ATG7: variants seen among roughly 807,000 people sequenced by gnomAD.
The protein encoded by ATG7 is autophagy related 7.
A neutral mutation model predicts 82.4 loss-of-function variants in ATG7; 70 were observed. The observed-to-expected ratio is 0.85, with a 90% CI of 0.70 to 1.04. ATG7 has a LOEUF of 1.04. Among genes scored for constraint, ATG7 ranks in the 50% least tolerant of loss-of-function variants. The pLI is 0.00. For synonymous variants in ATG7, 287 were observed against 313.0 expected, an observed-to-expected ratio of 0.92 and a Z score of 0.88; for missense variants, 792 against 864.3, an observed-to-expected ratio of 0.92 and a Z score of 1.05.
chr3:11,434,559 A>G (rs1345503778), intron 20 of ATG7, among the ~76,000 whole-genome samples: 1 of 152,208 alleles, frequency 6.6e-6, no homozygotes, highest in Non-Finnish European at 1.5e-5. Flanking sequence ...TACTTCTTAG[A>G]TTGGAAACTA....
In ATG7 at chr3:11,434,239, T is replaced by C. The variant is rs192706381; in HGVS notation, c.2079+7313T>C. On this transcript the variant is annotated intron_variant, in intron 20 of 20. Coordinates refer to ENST00000693202, the MANE Select transcript of ATG7 (RefSeq NM_001349232.2). ...GCATTTAACAACAGTCAGATATTTATGTACAGCTTCATCAAGAGCCTCTGA... is the reference window on the plus strand; with the variant it reads ...GCATTTAACAACAGTCAGATATTTACGTACAGCTTCATCAAGAGCCTCTGA... 3.9e-5 allele frequency among the ~76,000 whole-genome samples: 6 copies of C among 152,338 alleles called. No homozygotes were observed. The East Asian group carries it at 9.6e-4, about 24-fold the overall frequency.
Position 11,358,407 on chromosome 3 carries a change from T to C in ATG7, c.1285-11T>C. Reference sequence around the variant, plus strand: ...TGCTCCAGACATAACTACGTCCTGGTGTTTCCCTAGAATGCCAGAGGATTC... The same window carrying C: ...TGCTCCAGACATAACTACGTCCTGGCGTTTCCCTAGAATGCCAGAGGATTC... On this transcript the variant is annotated splice_polypyrimidine_tract_variant and intron_variant, in intron 14 of 20. Transcript: ENST00000693202. 4 of 1,609,080 alleles carry C rather than the reference T, an allele frequency of 2.5e-6. No individual in the cohort carries two copies. The highest frequency in any genetic ancestry group is 3.4e-6 in the Non-Finnish European group (4 of 1,177,276).
intron 20 of ATG7, among the ~76,000 whole-genome samples, chr3:11,480,364 C>G (rs1364089142): frequency 9.2e-5 from 14 of 152,102 alleles, no homozygotes; most frequent in Admixed American, 9.2e-4. Context: ...CAGCAAGACC[C>G]TGTCTCTACA....
chr3:11,471,606 G>T (rs2087526485), intron 20 of ATG7, among the ~76,000 whole-genome samples: 1 of 150,180 alleles, frequency 6.7e-6, no homozygotes, highest in Non-Finnish European at 1.5e-5. Context: ...ACTGTGTGTT[G>T]TCTCATTTAT....
chr3:11,275,319 C>T (rs1313580288), intron 1 of ATG7, among the ~76,000 whole-genome samples: 2 of 151,664 alleles, frequency 1.3e-5, no homozygotes, highest in South Asian at 2.1e-4. Context: ...ATGGAAATGA[C>T]GTTCGCTAAT....
intron 20 of ATG7, among the ~76,000 whole-genome samples, chr3:11,526,730 C>T (rs1008782550): frequency 8.5e-5 from 13 of 152,048 alleles, no homozygotes; most frequent in African/African-American, 3.1e-4. Context: ...ATTTCTTTTT[C>T]TTGTTTTACT....
chr3:11,420,152 G>A (rs2081800421), intron 19 of ATG7, among the ~76,000 whole-genome samples: 1 of 152,050 alleles, frequency 6.6e-6, no homozygotes, highest in South Asian at 2.1e-4. Context: ...ATGTTTGGGG[G>A]GAAAAATCCT....
intron 19 of ATG7, among the ~76,000 whole-genome samples, chr3:11,386,578 C>T (rs1028386878): frequency 3.9e-5 from 6 of 152,156 alleles, no homozygotes; most frequent in African/African-American, 1.2e-4. Context: ...GGAATCTTTG[C>T]ATACAGCTTC....
chr3:11,395,145 C>A, intron 19 of ATG7, among the ~76,000 whole-genome samples: 1 of 151,854 alleles, frequency 6.6e-6, no homozygotes, highest in African/African-American at 2.4e-5. Flanking sequence ...GGTGTATAGG[C>A]AATTATATAC....
Position 11,362,159 on chromosome 3 carries a change from TTA to T in ATG7, c.1684-651_1684-650del, listed in dbSNP as rs908493903. 1.1e-4 allele frequency among the ~76,000 whole-genome samples: 17 copies of T among 152,352 alleles called. No homozygotes were observed. The East Asian group carries it at 1.3e-3, about 12-fold the overall frequency. On this transcript the variant is annotated intron_variant, in intron 16 of 20. Transcript: ENST00000693202. ...CCCATCTGCTCATAAGGTAAAATTT[TTA>T]TAGAGTCAAAAATATCTCTAACAAC...
intron 20 of ATG7, among the ~76,000 whole-genome samples, chr3:11,454,079 C>T (rs1323326820): frequency 6.6e-6 from 1 of 152,200 alleles, no homozygotes; most frequent in African/African-American, 2.4e-5. Flanking sequence ...GCTAGCAGGT[C>T]TGACCAGCAT....
chr3:11,392,592 G>T (rs546351989), intron 19 of ATG7, among the ~76,000 whole-genome samples: 1 of 152,222 alleles, frequency 6.6e-6, no homozygotes, highest in African/African-American at 2.4e-5. Context: ...ACACCCCAAG[G>T]CTGTCTCTGT....
At chr3:11,537,826 G>A (rs1282725714) in intron 20 of ATG7, among the ~76,000 whole-genome samples, 4 of 152,138 alleles carry the variant, frequency 2.6e-5, no homozygotes, top group East Asian at 1.9e-4. Flanking sequence ...ATTTTCCTGC[G>A]GGGAAACTGA....
intron 18 of ATG7, among the ~76,000 whole-genome samples, chr3:11,376,887 G>A (rs1229980176): frequency 1.3e-5 from 2 of 152,046 alleles, no homozygotes; most frequent in Non-Finnish European, 2.9e-5. Context: ...TACAGGTGCC[G>A]ACTACCACGC....
At chr3:11,459,737 C>T (rs1576567292) in intron 20 of ATG7, among the ~76,000 whole-genome samples, 1 of 152,132 alleles carries the variant, frequency 6.6e-6, no homozygotes, top group Admixed American at 6.5e-5. Flanking sequence ...AATAGCCATT[C>T]GTTCATAATG....
chr3:11,368,611 G>A (rs2076785801), intron 18 of ATG7, among the ~76,000 whole-genome samples: 2 of 152,028 alleles, frequency 1.3e-5, no homozygotes, highest in South Asian at 2.1e-4. Context: ...GAGTAACATA[G>A]GGAGACCCCG....
At chr3:11,276,569 C>T (rs754421307) in intron 1 of ATG7, among the ~76,000 whole-genome samples, 40 of 152,306 alleles carry the variant, frequency 2.6e-4, no homozygotes, top group Admixed American at 1.8e-3. Context: ...ATCCTGCTCT[C>T]GTCCCACCAC....
At chr3:11,480,709 A>T (rs537466247) in intron 20 of ATG7, among the ~76,000 whole-genome samples, 126 of 152,344 alleles carry the variant, frequency 8.3e-4, no homozygotes, top group African/African-American at 2.7e-3. Flanking sequence ...GCTCACAAGG[A>T]CTTGAAACCC....
At chr3:11,528,897 G>A (rs1369406063) in intron 20 of ATG7, among the ~76,000 whole-genome samples, 1 of 151,170 alleles carries the variant, frequency 6.6e-6, no homozygotes, top group East Asian at 2.0e-4. Flanking sequence ...CACAGCAGAA[G>A]ATAAGTCATA....
Sources: allele counts gnomAD v4.1 joint callset (sites outside exome capture counted in the v4.1 genomes callset), GRCh38; gene constraint gnomAD v4.1.1; transcripts MANE v1.5; gene names NCBI Gene and HGNC (gene_info 2026-07-23, HGNC 2026-07-21).